EBF1: variants seen among roughly 807,000 people sequenced by gnomAD.
EBF1 encodes the protein transcription factor COE1.
EBF1 carries 10 observed loss-of-function variants against 68.4 expected under a neutral mutation model. The observed-to-expected ratio is 0.15, with a 90% CI of 0.09 to 0.25. The LOEUF is 0.25. Among genes scored for constraint, EBF1 ranks in the 10% least tolerant of loss-of-function variants. EBF1 has a pLI of 1.00. For missense variants in EBF1, 509 were observed against 794.4 expected, an observed-to-expected ratio of 0.64 and a Z score of 4.32; for synonymous variants, 298 against 299.8, an observed-to-expected ratio of 0.99 and a Z score of 0.06.
intron 6 of EBF1, among the ~76,000 whole-genome samples, chr5:158,879,404 C>G (rs890372345): frequency 6.6e-6 from 1 of 152,176 alleles, no homozygotes; most frequent in South Asian, 2.1e-4. Context: ...AGTGGAAACA[C>G]TCTTGGGTGT....
At chr5:158,826,675 T>C (rs58889466) in intron 7 of EBF1, among the ~76,000 whole-genome samples, 12,079 of 152,258 alleles carry the variant, frequency 0.079, 556 homozygotes, top group African/African-American at 0.11. Context: ...AGAGATATGC[T>C]GATTAACACT....
At chr5:158,745,546 T>A (rs796784711) in intron 10 of EBF1, among the ~76,000 whole-genome samples, 17 of 152,326 alleles carry the variant, frequency 1.1e-4, no homozygotes, top group African/African-American at 3.8e-4. Flanking sequence ...TTAGTGAATT[T>A]ATCTCATTAG....
At chr5:158,818,212 AG>A (rs1784135370) in intron 8 of EBF1, among the ~76,000 whole-genome samples, 1 of 152,188 alleles carries the variant, frequency 6.6e-6, no homozygotes, top group African/African-American at 2.4e-5. Flanking sequence ...AGAAGGGAAA[AG>A]AGACAGGCTC....
chr5:159,006,647 TAAAAAAAAAAA>T (rs36045942), intron 6 of EBF1, among the ~76,000 whole-genome samples: 27 of 56,206 alleles, frequency 4.8e-4, no homozygotes, highest in South Asian at 2.6e-3. Flanking sequence ...ATAGCCATGT[TAAAAAAAAAAA>T]AAAAAAAAAA....
At chr5:158,913,887 GA>G (rs1189488111) in intron 6 of EBF1, among the ~76,000 whole-genome samples, 4 of 152,222 alleles carry the variant, frequency 2.6e-5, no homozygotes, top group Admixed American at 2.6e-4. Context: ...TGCAGAAAAT[GA>G]AAAACAAGTC....
At chr5:158,719,686 G>A (rs984216567) in intron 11 of EBF1, among the ~76,000 whole-genome samples, 1 of 152,162 alleles carries the variant, frequency 6.6e-6, no homozygotes, top group African/African-American at 2.4e-5. Flanking sequence ...AGGGAAGATA[G>A]TCTGAACTTT....
intron 10 of EBF1, among the ~76,000 whole-genome samples, chr5:158,768,081 C>A (rs561103818): frequency 6.6e-6 from 1 of 152,220 alleles, no homozygotes; most frequent in Admixed American, 6.5e-5. Flanking sequence ...CGCTCCCAAG[C>A]TCTCAGGACA....
Position 159,099,403 on chromosome 5 carries a change from C to T in EBF1, c.76G>A (p.Ala26Thr), listed in dbSNP as rs748144723. 6.2e-7 allele frequency: 1 copy of T among 1,602,030 alleles called. No individual in the cohort carries two copies. The highest frequency in any genetic ancestry group is 1.7e-4 in the Middle Eastern group (1 of 6,024). The part of the protein sequence containing the change: ...KEEPLGSGMN[A>T]VRTWMQGAGV... ...GCGCCCTGCATCCACGTCCGCACCGCGTTCATGCCGCTGCCCAGCGGCTCT... is the reference window on the plus strand; with the variant it reads ...GCGCCCTGCATCCACGTCCGCACCGTGTTCATGCCGCTGCCCAGCGGCTCT... Residue 26 changes from alanine to threonine, a missense_variant, in exon 1 of 16, where the codon GCG becomes ACG. Physicochemically the swap from Ala to Thr is moderately conservative, Grantham distance 58. Transcript: ENST00000313708.
chr5:158,883,350 A>ATATATATATACACGCATG (rs1436028519), intron 6 of EBF1, among the ~76,000 whole-genome samples: 7 of 25,860 alleles, frequency 2.7e-4, no homozygotes, highest in Admixed American at 5.5e-4. Flanking sequence ...ACATGCATGT[A>ATATATATATACACGCATG]TATATATATA....
intron 6 of EBF1, chr5:158,986,966 C>T (rs1759215470): frequency 6.6e-6 from 1 of 152,220 alleles, no homozygotes; most frequent in Admixed American, 6.5e-5. Flanking sequence ...TTCAATCACA[C>T]AGCTAGGAGG....
intron 11 of EBF1, among the ~76,000 whole-genome samples, chr5:158,720,697 A>G (rs916914177): frequency 7.2e-5 from 11 of 152,210 alleles, no homozygotes; most frequent in Non-Finnish European, 1.2e-4. Context: ...GAGAAGAGTC[A>G]CTTACATTTA....
intron 8 of EBF1, among the ~76,000 whole-genome samples, chr5:158,805,567 A>G (rs978274420): frequency 6.6e-6 from 1 of 152,158 alleles, no homozygotes; most frequent in Admixed American, 6.6e-5. Context: ...AGTTCATATT[A>G]CCTTGGTCTT....
chr5:158,819,844 G>T (rs1457502519), intron 8 of EBF1, among the ~76,000 whole-genome samples: 1 of 152,176 alleles, frequency 6.6e-6, no homozygotes, highest in Non-Finnish European at 1.5e-5. Flanking sequence ...TGAATGAAGA[G>T]AAAGTACGGG....
chr5:158,726,079 G>A (rs1282525582), intron 11 of EBF1, among the ~76,000 whole-genome samples: 2 of 152,174 alleles, frequency 1.3e-5, no homozygotes, highest in African/African-American at 4.8e-5. Flanking sequence ...CGCATCTTTT[G>A]CCTGCATGTT....
At chr5:158,706,604 C>T (rs1275983150) in intron 15 of EBF1, among the ~76,000 whole-genome samples, 1 of 152,144 alleles carries the variant, frequency 6.6e-6, no homozygotes, top group Non-Finnish European at 1.5e-5. Flanking sequence ...AGAAACAGGG[C>T]TGAGATATCC....
chr5:158,831,753 C>T (rs144333540), intron 7 of EBF1, among the ~76,000 whole-genome samples: 2 of 152,278 alleles, frequency 1.3e-5, no homozygotes, highest in South Asian at 2.1e-4. Flanking sequence ...CCACCTGCCT[C>T]GTACTCCCAA....
intron 6 of EBF1, among the ~76,000 whole-genome samples, chr5:158,974,979 G>T (rs552076652): frequency 3.0e-4 from 46 of 152,240 alleles, no homozygotes; most frequent in African/African-American, 1.1e-3. Flanking sequence ...AGAAGAAAAT[G>T]CCATCCAGAG....
At chr5:158,940,755 A>ACC (rs1332861007) in intron 6 of EBF1, among the ~76,000 whole-genome samples, 20 of 6,554 alleles carry the variant, frequency 3.1e-3, no homozygotes, top group Non-Finnish European at 3.2e-3. Context: ...CACCCCCTTC[A>ACC]CCCCACCGCC....
At chr5:158,710,957 T>C (rs1759105221) in intron 14 of EBF1, among the ~76,000 whole-genome samples, 1 of 152,212 alleles carries the variant, frequency 6.6e-6, no homozygotes, top group Non-Finnish European at 1.5e-5. Flanking sequence ...CAAGAGATTG[T>C]GAGAACACGG....
Sources: gnomAD v4.1 joint callset for allele counts (sites outside exome capture counted in the v4.1 genomes callset) on GRCh38, gnomAD v4.1.1 for gene constraint, MANE v1.5 for transcripts, NCBI Gene and HGNC (gene_info 2026-07-23, HGNC 2026-07-21) for gene names.